PRRC2C: variants seen among roughly 807,000 people sequenced by gnomAD.
PRRC2C encodes the protein protein PRRC2C.
PRRC2C carries 72 observed loss-of-function variants against 317.2 expected under a neutral mutation model. The observed-to-expected ratio is 0.23, with a 90% confidence interval of 0.19 to 0.28. The LOEUF (loss-of-function observed/expected upper bound fraction) is 0.28. Among genes scored for constraint, PRRC2C ranks in the 10% least tolerant of loss-of-function variants. The probability of loss-of-function intolerance (pLI) is 1.00; values close to 1 mark genes in which losing one functional copy is unlikely to be tolerated. For missense variants in PRRC2C, 3,074 were observed against 3,459.7 expected (o/e 0.89, Z 2.80); for synonymous variants, 1,296 against 1,205.9 (o/e 1.07, Z -1.55).
Position 171,514,605 on chromosome 1 carries a change from C to G in PRRC2C, c.360C>G (p.Pro120=). The change falls in exon 4 of 35, where the codon CCC becomes CCG. Residue 120 remains proline (P), a synonymous_variant. Coordinates refer to ENST00000647382, the MANE Select transcript of PRRC2C (RefSeq NM_001387844.1). ...VAAPPEVAPA[P]KSWASNKQGG... The stretch of plus-strand genomic sequence containing the variant: ...CTCCCCCAGAAGTAGCACCTGCTCC[C>G]AAATCATGGGCCAGTAACAAGCAAG... 1 of 1,561,002 alleles carries G rather than the reference C, an allele frequency of 6.4e-7. No individual in the cohort carries two copies. Among genetic ancestry groups the G allele is most frequent in the African/African-American group, 1.4e-5 (1 of 73,336 alleles).
chr1:171,563,784 T>G (rs768149254), intron 20 of PRRC2C, among the ~76,000 whole-genome samples: 41 of 152,146 alleles, frequency 2.7e-4, no homozygotes, highest in Non-Finnish European at 4.7e-4. Context: ...AGTCTCAGTT[T>G]AATAATTTTT....
intron 24 of PRRC2C, among the ~76,000 whole-genome samples, chr1:171,574,023 A>G (rs1163846773): frequency 2.0e-5 from 3 of 152,102 alleles, no homozygotes; most frequent in Non-Finnish European, 4.4e-5. Flanking sequence ...TTAGAAATTG[A>G]TACTTTAAGG....
intron 32 of PRRC2C, among the ~76,000 whole-genome samples, 155 bp from the exon 33 acceptor site, chr1:171,588,224 A>G (rs1342757284): frequency 1.3e-5 from 2 of 152,150 alleles, no homozygotes; most frequent in Admixed American, 6.5e-5. Context: ...TGCTCCTCCA[A>G]TGTCTCTCTT....
At position 171,557,426 on chromosome 1, in the gene PRRC2C, C is replaced by T; in HGVS notation, c.5314C>T (p.Leu1772Phe). 8 of 1,547,018 alleles carry T rather than the reference C, an allele frequency of 5.2e-6. No individual in the cohort carries two copies. The highest frequency in any genetic ancestry group is 7.0e-6 in the Non-Finnish European group (8 of 1,143,804). Residue 1772 changes from leucine to phenylalanine, a missense_variant, in exon 19 of 35, where the codon CTT becomes TTT. Leu to Phe is a conservative substitution (Grantham distance 22, BLOSUM62 0). This residue lies in a region of PRRC2C where 640 missense variants were observed against 676.1 expected (regional missense o/e 0.95). Transcript: ENST00000647382. Reference sequence around the variant, plus strand: ...AGTTCCAGCCTCAACCTCAGCTCCACTTCCGGCAACCTTAACTCCAGTTCC... The same window carrying T: ...AGTTCCAGCCTCAACCTCAGCTCCATTTCCGGCAACCTTAACTCCAGTTCC... ...ASVPASTSAPLPATLTPVPAS... is the reference protein window; with the variant it reads ...ASVPASTSAPFPATLTPVPAS...
intron 24 of PRRC2C, among the ~76,000 whole-genome samples, chr1:171,573,964 A>G (rs926126232): frequency 6.6e-6 from 1 of 151,970 alleles, no homozygotes; most frequent in Non-Finnish European, 1.5e-5. Flanking sequence ...GGGGTGAGCC[A>G]CCGCACCCGG....
At chr1:171,529,035 C>G (rs1204838767) in intron 11 of PRRC2C, among the ~76,000 whole-genome samples, 1 of 152,100 alleles carries the variant, frequency 6.6e-6, no homozygotes, top group African/African-American at 2.4e-5. Context: ...AGACAAGATA[C>G]CACCTTGACC....
chr1:171,589,729 T>C (rs1650932097), intron 34 of PRRC2C, 124 bp downstream of exon 34: 2 of 536,942 alleles, frequency 3.7e-6, no homozygotes, highest in African/African-American at 2.0e-5. Flanking sequence ...CCAAGCTAAC[T>C]ACTTTTATTC....
At chr1:171,570,920 G>A (rs1684675422) in intron 23 of PRRC2C, among the ~76,000 whole-genome samples, 2 of 152,180 alleles carry the variant, frequency 1.3e-5, no homozygotes, top group African/African-American at 2.4e-5. Context: ...AGCACCATCA[G>A]CATCACCTGG....
chr1:171,535,740 C>A, intron 13 of PRRC2C, 143 bp downstream of exon 13: 1 of 1,109,924 alleles, frequency 9.0e-7, no homozygotes, highest in Non-Finnish European at 1.3e-6. Flanking sequence ...TAAAAGTTAA[C>A]GTGGGTTTTA....
chr1:171,521,042 G>A (rs531648961), intron 6 of PRRC2C, among the ~76,000 whole-genome samples: 3 of 151,788 alleles, frequency 2.0e-5, no homozygotes, highest in Non-Finnish European at 4.4e-5. Flanking sequence ...CTGACCTCGT[G>A]ATCTACCCGC....
intron 11 of PRRC2C, among the ~76,000 whole-genome samples, chr1:171,530,708 A>C (rs1675681771): frequency 6.6e-6 from 1 of 152,152 alleles, no homozygotes; most frequent in East Asian, 1.9e-4. Context: ...ACAAGTTAAA[A>C]CCACTGAGAT....
chr1:171,525,729 CT>C (rs1674440868), intron 10 of PRRC2C, among the ~76,000 whole-genome samples: 1 of 152,156 alleles, frequency 6.6e-6, no homozygotes, highest in African/African-American at 2.4e-5. Flanking sequence ...AGGTAGAAGG[CT>C]GCAGAAGACT....
rs1402011642 is a variant in PRRC2C at position 171,557,435 on chromosome 1, A to G, written c.5323A>G (p.Thr1775Ala). 3 of 1,547,168 alleles carry G rather than the reference A, an allele frequency of 1.9e-6. No homozygotes were observed. Among genetic ancestry groups the G allele is most frequent in the South Asian group, 1.2e-5 (1 of 83,774 alleles). The change falls in exon 19 of 35, where the codon ACC becomes GCC. Residue 1775 changes from threonine (T) to alanine (A), a missense_variant. Around this residue, in one of 11 missense-constraint regions of PRRC2C, gnomAD observed 640 missense variants for 676.1 expected, o/e 0.95. Transcript: ENST00000647382. ...CTCAACCTCAGCTCCACTTCCGGCA[A>G]CCTTAACTCCAGTTCCAGCCTCAAC... ...PASTSAPLPA[T>A]LTPVPASTSA...
intron 1 of PRRC2C, among the ~76,000 whole-genome samples, chr1:171,500,388 T>C (rs1000799886): frequency 6.6e-6 from 1 of 152,194 alleles, no homozygotes; most frequent in South Asian, 2.1e-4. Flanking sequence ...AGATTTTCTC[T>C]TCTTTTTAAT....
chr1:171,558,594 A>G (rs1165505431), intron 19 of PRRC2C, among the ~76,000 whole-genome samples: 1 of 152,134 alleles, frequency 6.6e-6, no homozygotes, highest in Non-Finnish European at 1.5e-5. Flanking sequence ...TATCTTTGAT[A>G]TTGTAATTGT....
chr1:171,522,792 A>G (rs1673827733), intron 7 of PRRC2C, among the ~76,000 whole-genome samples: 2 of 152,024 alleles, frequency 1.3e-5, no homozygotes, highest in Non-Finnish European at 1.5e-5. Context: ...AAGAAAACTG[A>G]AAAACATGGC....
intron 16 of PRRC2C, among the ~76,000 whole-genome samples, chr1:171,542,656 A>G (rs1211479284): frequency 6.6e-6 from 1 of 152,240 alleles, no homozygotes; most frequent in Non-Finnish European, 1.5e-5. Flanking sequence ...AGAGGCCCAG[A>G]AAACAAATCC....
At chr1:171,520,153 G>A (rs1349442224) in intron 6 of PRRC2C, among the ~76,000 whole-genome samples, 1 of 152,142 alleles carries the variant, frequency 6.6e-6, no homozygotes. Context: ...AGTAGAGACA[G>A]GGTTTCACCA....
chr1:171,590,026 C>G (rs1313237522), intron 34 of PRRC2C, among the ~76,000 whole-genome samples: 1 of 150,176 alleles, frequency 6.7e-6, no homozygotes, highest in African/African-American at 2.5e-5. Flanking sequence ...CCCCCCTTTC[C>G]CCTGACTCTC....
Sources: gnomAD v4.1 joint callset for allele counts (sites outside exome capture counted in the v4.1 genomes callset) on GRCh38, gnomAD v4.1.1 for gene constraint, gnomAD v4.1.1 regional missense constraint, MANE v1.5 for transcripts, NCBI Gene and HGNC (gene_info 2026-07-23, HGNC 2026-07-21) for gene names.